STARD4: variants seen among roughly 807,000 people sequenced by gnomAD.
STARD4 encodes the protein StAR related lipid transfer domain containing 4.
Under a neutral mutation model 24.9 loss-of-function variants are expected in STARD4, and 33 were observed. The ratio of observed to expected loss-of-function variants is 1.32; its 90% CI spans 1.00 to 1.77. The LOEUF is 1.77. STARD4 is among the 40% of genes most tolerant of loss of function. The pLI, the probability that STARD4 is intolerant of heterozygous loss-of-function variation, is 0.00. For synonymous variants in STARD4, 88 were observed against 77.4 expected (o/e 1.14, Z -0.72); for missense variants, 238 against 249.3 (o/e 0.95, Z 0.31).
intron 3 of STARD4, among the ~76,000 whole-genome samples, chr5:111,506,024 T>C (rs1756826181): frequency 6.6e-6 from 1 of 151,772 alleles, no homozygotes; most frequent in Admixed American, 6.6e-5. Context: ...ACCCCATCTG[T>C]ACTAAAAACT....
intron 1 of STARD4, among the ~76,000 whole-genome samples, chr5:111,509,898 C>T (rs1476094552): frequency 6.6e-6 from 1 of 152,054 alleles, no homozygotes; most frequent in Admixed American, 6.5e-5. Flanking sequence ...TATCAAGCAT[C>T]TATTATATAC....
In STARD4 at chr5:111,498,021, A is replaced by T. The variant is rs1000365692; in HGVS notation, c.*1865T>A. The T allele has an allele frequency of 6.6e-6, 1 of 152,104 alleles. No individual in the cohort carries two copies. Among genetic ancestry groups the T allele is most frequent in the East Asian group, 1.9e-4 (1 of 5,200 alleles). The allele number at this position is 152,104 out of a possible 1,614,324, so 9.4% of individuals were successfully genotyped here. On this transcript the variant is annotated 3_prime_UTR_variant, in exon 6 of 6. Coordinates refer to ENST00000296632, the MANE Select transcript of STARD4 (RefSeq NM_139164.3). ...GATGGCTGCATAGTTCTACATATGTATTAAAACATCACTGAATTAGATACT... is the reference window on the plus strand; with the variant it reads ...GATGGCTGCATAGTTCTACATATGTTTTAAAACATCACTGAATTAGATACT...
chr5:111,500,505 A>G (rs925620892), intron 5 of STARD4: 1 of 1,036,686 alleles, frequency 9.6e-7, no homozygotes, highest in East Asian at 9.1e-5. Context: ...GTTTACTTAC[A>G]ACTGCTAACT....
intron 3 of STARD4, among the ~76,000 whole-genome samples, chr5:111,503,521 T>C (rs952113935): frequency 1.3e-5 from 2 of 152,016 alleles, no homozygotes; most frequent in Non-Finnish European, 2.9e-5. Flanking sequence ...CCCAGCTGCT[T>C]CGGAGGCTGA....
chr5:111,498,102 TTTTTTTAAAGTACACAGCTAGAGC>T lies in STARD4; in HGVS notation c.*1760_*1783del, dbSNP rs1756197173. 6.6e-6 allele frequency: 1 copy of T among 152,014 alleles called. No individual in the cohort carries two copies. The allele number at this position is 152,014 out of a possible 1,614,324, so 9.4% of individuals were successfully genotyped here. On this transcript the variant is annotated 3_prime_UTR_variant, in exon 6 of 6. Coordinates refer to ENST00000296632, the MANE Select transcript of STARD4 (RefSeq NM_139164.3). ...TTATATATCAATAAAGCTGTTTTTG[TTTTTTTAAAGTACACAGCTAGAGC>T]CCAGCAGATCTAAGGGGCCATCTAG...
chr5:111,500,325 C>T, intron 5 of STARD4: 1 of 1,282,170 alleles, frequency 7.8e-7, no homozygotes, highest in Non-Finnish European at 9.8e-7. Flanking sequence ...TTAATCCTTT[C>T]AGAATACATG....
At chr5:111,501,251 T>A (rs1321841978) in intron 4 of STARD4, 135 bp from the exon 5 acceptor site, 9 of 971,896 alleles carry the variant, frequency 9.3e-6, no homozygotes, top group Non-Finnish European at 1.3e-5. Context: ...TTACACTGAT[T>A]CTGACAGGTC....
In STARD4 at chr5:111,502,031, G is replaced by A; in HGVS notation, c.213C>T (p.Arg71=). The change falls in exon 4 of 6, where the codon CGC becomes CGT. Residue 71 remains arginine, a synonymous_variant. Transcript: ENST00000296632. ...CCCAATCCAAACGACAAGGCCCTGG[G>A]CGTATATGGTCTATTATACTATAGA... is the stretch of plus-strand genomic sequence containing the variant. ...DLVYSIIDHI[R]PGPCRLDWDS... 1 of 1,614,108 alleles carries A rather than the reference G, an allele frequency of 6.2e-7. No individual in the cohort carries two copies. Among genetic ancestry groups the A allele is most frequent in the African/African-American group, 1.3e-5 (1 of 75,010 alleles).
At chr5:111,503,390 G>A (rs1756609290) in intron 3 of STARD4, among the ~76,000 whole-genome samples, 1 of 152,186 alleles carries the variant, frequency 6.6e-6, no homozygotes, top group Non-Finnish European at 1.5e-5. Context: ...CAGCACTTTG[G>A]GAGGCCGAGG....
Position 111,498,288 on chromosome 5 carries a change from G to A in STARD4, c.*1598C>T, listed in dbSNP as rs1350861768. Reference sequence around the variant, plus strand: ...GTGAATTATGTAATTACTTATTGGAGGTATATGTTGATAAGGACAAAGAGA... The same window carrying A: ...GTGAATTATGTAATTACTTATTGGAAGTATATGTTGATAAGGACAAAGAGA... On this transcript the variant is annotated 3_prime_UTR_variant, in exon 6 of 6. Coordinates refer to ENST00000296632, the MANE Select transcript of STARD4 (RefSeq NM_139164.3). 6.6e-6 allele frequency: 1 copy of A among 151,760 alleles called. No individual in the cohort carries two copies. Among genetic ancestry groups the A allele is most frequent in the Non-Finnish European group, 1.5e-5 (1 of 67,906 alleles). 9.4% of individuals were successfully genotyped at this position (151,760 alleles called of 1,614,324 possible).
chr5:111,508,233 T>C (rs1159211179), intron 1 of STARD4, among the ~76,000 whole-genome samples: 1 of 152,142 alleles, frequency 6.6e-6, no homozygotes, highest in South Asian at 2.1e-4. Context: ...TAATAACTTA[T>C]TTATAGGTGT....
chr5:111,505,160 G>A (rs1756763583), intron 3 of STARD4: 1 of 382,858 alleles, frequency 2.6e-6, no homozygotes, highest in Non-Finnish European at 5.1e-6. Context: ...TCCCTTAAGT[G>A]TTAGCTCAAA....
At chr5:111,512,128 C>A (rs1046820834) in intron 1 of STARD4, 2 of 152,296 alleles carry the variant, frequency 1.3e-5, no homozygotes, top group African/African-American at 4.8e-5. Context: ...GTGAGCGGCG[C>A]GCAGGGGCGA....
At chr5:111,508,014 A>T (rs1298630318) in intron 1 of STARD4, among the ~76,000 whole-genome samples, 1 of 152,138 alleles carries the variant, frequency 6.6e-6, no homozygotes, top group African/African-American at 2.4e-5. Context: ...CATTGTCTAC[A>T]GTATTCTACA....
At chr5:111,501,202 C>A in intron 4 of STARD4, 86 bp from the exon 5 acceptor site, 1 of 1,303,228 alleles carries the variant, frequency 7.7e-7, no homozygotes, top group Non-Finnish European at 1.0e-6. Flanking sequence ...TGGAAAGAAA[C>A]TAATATTTAT....
intron 1 of STARD4, among the ~76,000 whole-genome samples, chr5:111,509,803 C>T (rs904116393): frequency 4.6e-5 from 7 of 152,204 alleles, no homozygotes; most frequent in African/African-American, 1.2e-4. Context: ...TGCCCATTTA[C>T]GCCAATCCTA....
intron 5 of STARD4, 172 bp downstream of exon 5, chr5:111,500,830 A>C: frequency 2.0e-6 from 3 of 1,508,834 alleles, no homozygotes; most frequent in Non-Finnish European, 2.6e-6. Flanking sequence ...AAGGGTTTCA[A>C]AACTCTTTTG....
At position 111,497,088 on chromosome 5, in the gene STARD4, G is replaced by A. The variant is rs1756138697; in HGVS notation, c.*2798C>T. The A allele has an allele frequency of 6.6e-6, 1 of 151,914 alleles. No homozygotes were observed. The highest frequency in any genetic ancestry group is 2.4e-5 in the African/African-American group (1 of 41,404). 9.4% of individuals were successfully genotyped at this position (151,914 alleles called of 1,614,324 possible). A position where few individuals can be genotyped will look rare whatever the true frequency, so the allele number is the denominator to read the frequency against. ...AAATAGCTACTATATACTGAAAACAGTATTATGCCAAATATTTCCCACATA... is the reference window on the plus strand; with the variant it reads ...AAATAGCTACTATATACTGAAAACAATATTATGCCAAATATTTCCCACATA... On this transcript the variant is annotated 3_prime_UTR_variant, in exon 6 of 6. Coordinates refer to ENST00000296632, the MANE Select transcript of STARD4 (RefSeq NM_139164.3).
chr5:111,504,528 T>G (rs1756702689), intron 3 of STARD4, among the ~76,000 whole-genome samples: 2 of 150,494 alleles, frequency 1.3e-5, no homozygotes, highest in Admixed American at 1.3e-4. Flanking sequence ...CACACATAAC[T>G]TCAGGACAGC....
Sources: allele counts gnomAD v4.1 joint callset (sites outside exome capture counted in the v4.1 genomes callset), GRCh38; gene constraint gnomAD v4.1.1; transcripts MANE v1.5; gene names NCBI Gene and HGNC (gene_info 2026-07-23, HGNC 2026-07-21).